Variants in VPS26C observed in about 807,000 individuals in gnomAD.
The protein encoded by VPS26C is VPS26 endosomal protein sorting factor C, also known as vacuolar protein sorting-associated protein 26C.
Under a neutral mutation model 30.6 loss-of-function variants are expected in VPS26C, and 19 were observed. The observed-to-expected ratio is 0.62, with a 90% CI of 0.43 to 0.91. VPS26C has a LOEUF of 0.91. Among genes scored for constraint, VPS26C ranks in the 40% least tolerant of loss-of-function variants. VPS26C has a pLI of 0.00. For synonymous variants in VPS26C, 132 were observed against 151.5 expected, an observed-to-expected ratio of 0.87 and a Z score of 0.95; for missense variants, 318 against 385.1, an observed-to-expected ratio of 0.83 and a Z score of 1.46.
At chr21:37,252,913 G>C (rs552217636) in intron 1 of VPS26C, among the ~76,000 whole-genome samples, 1 of 152,276 alleles carries the variant, frequency 6.6e-6, no homozygotes, top group Non-Finnish European at 1.5e-5. Context: ...GGCTACAAAG[G>C]AGCACAGGGG....
chr21:37,263,228 T>C (rs1372018410), intron 1 of VPS26C, among the ~76,000 whole-genome samples: 1 of 152,214 alleles, frequency 6.6e-6, no homozygotes, highest in Non-Finnish European at 1.5e-5. Flanking sequence ...TTTCAAATGC[T>C]TCCACAACTA....
At chr21:37,251,760 T>C (rs1001966856) in intron 1 of VPS26C, among the ~76,000 whole-genome samples, 12 of 152,160 alleles carry the variant, frequency 7.9e-5, no homozygotes, top group African/African-American at 2.9e-4. Flanking sequence ...CCTTTAGACC[T>C]CAATGTACAA....
At chr21:37,227,856 G>T in intron 6 of VPS26C, 50 bp from the exon 7 acceptor site, 3 of 1,604,870 alleles carry the variant, frequency 1.9e-6, no homozygotes, top group Non-Finnish European at 2.5e-6. Flanking sequence ...GAGGCTGCGG[G>T]GTCCACATCC....
intron 4 of VPS26C, 130 bp from the exon 5 acceptor site, chr21:37,232,581 C>G: frequency 1.3e-6 from 1 of 754,410 alleles, no homozygotes. Flanking sequence ...CTAAGAGGCG[C>G]AAGCCTGGGT....
At chr21:37,249,118 C>G (rs908330697) in intron 1 of VPS26C, among the ~76,000 whole-genome samples, 1 of 152,122 alleles carries the variant, frequency 6.6e-6, no homozygotes, top group Non-Finnish European at 1.5e-5. Flanking sequence ...AAGCCAGCAT[C>G]AAACTTAATG....
chr21:37,242,504 T>A (rs2086097540), intron 1 of VPS26C, among the ~76,000 whole-genome samples: 1 of 152,098 alleles, frequency 6.6e-6, no homozygotes, highest in Non-Finnish European at 1.5e-5. Flanking sequence ...GAGGATCACT[T>A]GAGCCTGGGA....
At position 37,233,544 on chromosome 21, in the gene VPS26C, ATGT is replaced by A. The variant is rs780408506; in HGVS notation, c.352-105_352-103del. The A allele has an allele frequency of 7.7e-5, 62 of 804,856 alleles. 1 individual carries two copies. Among genetic ancestry groups the A allele is most frequent in the East Asian group, 5.8e-4 (23 of 39,564 alleles). The allele number at this position is 804,856 out of a possible 1,614,324, so 49.9% of individuals were successfully genotyped here. On this transcript the variant is annotated intron_variant, in intron 3 of 7. Transcript: ENST00000309117. The surrounding 1 kb of genome is among the most constrained non-coding windows in gnomAD (Gnocchi z 5.2). ...AAGTCAGTCAACATATTTTAGGGAA[ATGT>A]TGTACAATCAGTGCATTATAGAAAA...
rs142850337 is a variant in VPS26C, at chr21:37,233,545, T to C, written c.352-103A>G. The C allele has an allele frequency of 1.6e-4, 130 of 805,766 alleles. No homozygotes were observed. The East Asian group carries it at 3.2e-3, about 20-fold the overall frequency. 49.9% of individuals were successfully genotyped at this position (805,766 alleles called of 1,614,324 possible). On this transcript the variant is annotated intron_variant, in intron 3 of 7. Transcript: ENST00000309117. The surrounding 1 kb of genome is among the most constrained non-coding windows in gnomAD (Gnocchi z 5.2). ...AGTCAGTCAACATATTTTAGGGAAA[T>C]GTTGTACAATCAGTGCATTATAGAA...
chr21:37,225,825 C>G, intron 7 of VPS26C, 199 bp from the exon 8 acceptor site: 1 of 585,898 alleles, frequency 1.7e-6, no homozygotes, highest in East Asian at 2.8e-5. Flanking sequence ...GTCTGACTAC[C>G]TCTGTCAACT....
rs374517236 is a variant in VPS26C, at chr21:37,227,781, G to A, written c.684C>T (p.Asp228=). The change falls in exon 7 of 8, where the codon GAC becomes GAT. Residue 228 remains aspartate, a synonymous_variant. Transcript: ENST00000309117. ...TCGCAEGYAR[D]ATEIQNIQIA... ...TCTGAATGTTCTGAATCTCCGTGGC[G>A]TCGCGGGCATAGCCTTCTGCACACC... 1.9e-5 allele frequency: 30 copies of A among 1,613,974 alleles called. No individual in the cohort carries two copies. Among genetic ancestry groups the A allele is most frequent in the South Asian group, 6.6e-5 (6 of 91,084 alleles).
At chr21:37,267,488 A>G (rs1051848779), upstream of VPS26C, 38 of 601,860 alleles carry the variant, frequency 6.3e-5, no homozygotes, top group South Asian at 2.6e-4. Flanking sequence ...TTCCGGCACA[A>G]GAGCCGGCCT....
rs1413799891 is a variant in VPS26C, at chr21:37,226,754, G to A, written c.811+900C>T. ...GAGGTCACTCGCACGGAATTGGAGGGGAACACACAGAGGTGCTGCTCTTGA... is the reference window on the plus strand; with the variant it reads ...GAGGTCACTCGCACGGAATTGGAGGAGAACACACAGAGGTGCTGCTCTTGA... On this transcript the variant is annotated intron_variant, in intron 7 of 7. Transcript: ENST00000309117. The surrounding 1 kb of genome is among the most constrained non-coding windows in gnomAD (Gnocchi z 4.1). 1 of 152,210 alleles carries A rather than the reference G, an allele frequency of 6.6e-6. No individual in the cohort carries two copies. The highest frequency in any genetic ancestry group is 2.4e-5 in the African/African-American group (1 of 41,444). 9.4% of individuals were successfully genotyped at this position (152,210 alleles called of 1,614,324 possible). A position where few individuals can be genotyped will look rare whatever the true frequency, so the allele number is the denominator to read the frequency against.
intron 1 of VPS26C, among the ~76,000 whole-genome samples, chr21:37,259,269 G>A (rs781285064): frequency 1.3e-5 from 2 of 150,222 alleles, no homozygotes; most frequent in African/African-American, 2.4e-5. Flanking sequence ...ATAATGAACT[G>A]TTATGTATAG....
In VPS26C at chr21:37,225,576, C is replaced by T; in HGVS notation, c.862G>A (p.Glu288Lys). The T allele has an allele frequency of 3.7e-6, 6 of 1,614,162 alleles. No individual in the cohort carries two copies. The highest frequency in any genetic ancestry group is 5.1e-6 in the Non-Finnish European group (6 of 1,180,032). The stretch of plus-strand genomic sequence containing the variant: ...CTGCAGAGCTTCAGCGGGAAGTTCT[C>T]CGTGATGAGGTGGTCAGGGTGAAGC... Reference protein sequence around the residue: ...VLLHPDHLITENFPLKLCRI With the variant: ...VLLHPDHLITKNFPLKLCRI Residue 288 changes from glutamate (E) to lysine (K), a missense_variant, in exon 8 of 8, where the codon GAG becomes AAG. Glu to Lys is a moderately conservative substitution (Grantham distance 56). Transcript: ENST00000309117.
intron 1 of VPS26C, chr21:37,266,945 T>TTGAA (rs1320335199): frequency 6.9e-6 from 3 of 433,528 alleles, no homozygotes; most frequent in Admixed American, 1.1e-4. Flanking sequence ...CGCCGGGTGT[T>TTGAA]CAAGGGGCCA....
rs371160517 is a variant in VPS26C, at chr21:37,231,128, C to T, written c.507+1249G>A. Reference sequence around the variant, plus strand: ...GCTAAGGATACAGCCTCTACAACACCACCACACACATTAGATCCTCATTTG... The same window carrying T: ...GCTAAGGATACAGCCTCTACAACACTACCACACACATTAGATCCTCATTTG... On this transcript the variant is annotated intron_variant, in intron 5 of 7. Coordinates refer to ENST00000309117, the MANE Select transcript of VPS26C (RefSeq NM_006052.2). Among the ~76,000 whole-genome samples, 193 of 152,296 alleles carry T rather than the reference C, an allele frequency of 1.3e-3. 2 individuals are homozygous for T. Among genetic ancestry groups the T allele is most frequent in the South Asian group, 0.012 (56 of 4,830 alleles).
At chr21:37,236,034 A>G (rs1380801916) in intron 3 of VPS26C, among the ~76,000 whole-genome samples, 2 of 151,952 alleles carry the variant, frequency 1.3e-5, no homozygotes, top group African/African-American at 2.4e-5. Flanking sequence ...CAGCACGTCT[A>G]TCTTTTAAAT....
upstream of VPS26C, chr21:37,267,452 A>AG: frequency 2.0e-6 from 1 of 499,938 alleles, no homozygotes; most frequent in Non-Finnish European, 3.3e-6. Flanking sequence ...CCTAGCTCCG[A>AG]GGGGCGAATG....
intron 7 of VPS26C, 128 bp from the exon 8 acceptor site, chr21:37,225,754 T>A: frequency 1.3e-6 from 1 of 745,400 alleles, no homozygotes; most frequent in Non-Finnish European, 2.4e-6. Context: ...GTTTCATTGC[T>A]GTCCCCTCAG....
Sources: allele counts gnomAD v4.1 joint callset (sites outside exome capture counted in the v4.1 genomes callset), GRCh38; gene constraint gnomAD v4.1.1; non-coding constraint Gnocchi (gnomAD v3.1); transcripts MANE v1.5; gene names NCBI Gene and HGNC (gene_info 2026-07-23, HGNC 2026-07-21).